The following CNIH3 variants were observed in gnomAD, a reference collection of about 807,000 sequenced individuals.
The protein encoded by CNIH3 is protein cornichon homolog 3.
A neutral mutation model predicts 24.1 loss-of-function variants in CNIH3; 14 were observed. The observed-to-expected ratio is 0.58, with a 90% CI of 0.38 to 0.91. The LOEUF is 0.91. Ranked by LOEUF, CNIH3 falls within the 40% of genes least tolerant of loss-of-function variation. CNIH3 has a pLI of 0.00. For synonymous variants in CNIH3, 68 were observed against 73.8 expected (o/e 0.92, Z 0.40); for missense variants, 178 against 196.8 (o/e 0.90, Z 0.57).
intron 1 of CNIH3, among the ~76,000 whole-genome samples, chr1:224,624,259 G>A (rs1052315684): frequency 1.3e-4 from 20 of 152,326 alleles, no homozygotes; most frequent in African/African-American, 3.1e-4. Context: ...ACTGCTGTCC[G>A]TGTCTTCTTT....
intron 3 of CNIH3, among the ~76,000 whole-genome samples, chr1:224,687,714 C>G (rs1017897203): frequency 7.9e-5 from 12 of 152,172 alleles, no homozygotes; most frequent in African/African-American, 2.9e-4. Context: ...AGCTTTGCAC[C>G]CTTGCACAGT....
chr1:224,696,098 C>T (rs1233973815), intron 3 of CNIH3, among the ~76,000 whole-genome samples: 1 of 152,072 alleles, frequency 6.6e-6, no homozygotes, highest in Non-Finnish European at 1.5e-5. Flanking sequence ...GAGGCCTGTC[C>T]AGGCTGGAAT....
intron 3 of CNIH3, among the ~76,000 whole-genome samples, chr1:224,594,914 C>T (rs767554720): frequency 6.6e-6 from 1 of 152,208 alleles, no homozygotes; most frequent in African/African-American, 2.4e-5. Context: ...CATTGTTTTA[C>T]TGCACTTTGC....
At chr1:224,485,751 C>G (rs990763147) in intron 1 of CNIH3, among the ~76,000 whole-genome samples, 1 of 152,170 alleles carries the variant, frequency 6.6e-6, no homozygotes, top group Admixed American at 6.5e-5. Context: ...CTAGCATGAG[C>G]CAGGATGCCC....
chr1:224,606,448 C>T (rs1198092623), intron 3 of CNIH3, among the ~76,000 whole-genome samples: 2 of 152,098 alleles, frequency 1.3e-5, no homozygotes, highest in Non-Finnish European at 2.9e-5. Flanking sequence ...AGTCGAACTC[C>T]TCTCCAACCA....
chr1:224,467,395 A>AT (rs1676190926), intron 1 of CNIH3, among the ~76,000 whole-genome samples: 1 of 151,996 alleles, frequency 6.6e-6, no homozygotes, highest in Non-Finnish European at 1.5e-5. Context: ...TAAGAGGTCC[A>AT]ATTTATCAAG....
intron 5 of CNIH3, among the ~76,000 whole-genome samples, chr1:224,738,779 G>T (rs1048356083): frequency 6.6e-6 from 1 of 152,064 alleles, no homozygotes; most frequent in African/African-American, 2.4e-5. Context: ...AATTCCTGGA[G>T]TCCATTAAAA....
At chr1:224,613,784 CCCGAAG>C, upstream of CNIH3, among the ~76,000 whole-genome samples, 1 of 152,324 alleles carries the variant, frequency 6.6e-6, no homozygotes, top group Non-Finnish European at 1.5e-5. Flanking sequence ...TGAGGCCTCC[CCCGAAG>C]CCGAGCAAAT....
At chr1:224,443,706 TA>T (rs199750856) in intron 1 of CNIH3, among the ~76,000 whole-genome samples, 1,459 of 118,422 alleles carry the variant, frequency 0.012, 22 homozygotes, top group African/African-American at 0.031. Context: ...TAGATATATA[TA>T]TATATTTTTT....
intron 1 of CNIH3, among the ~76,000 whole-genome samples, chr1:224,618,069 A>G (rs547088551): frequency 6.6e-6 from 1 of 152,286 alleles, no homozygotes; most frequent in East Asian, 1.9e-4. Context: ...CCAGTTCTTT[A>G]GGTGTGGGTG....
At chr1:224,728,149 T>C (rs993984496) in intron 3 of CNIH3, among the ~76,000 whole-genome samples, 1 of 152,196 alleles carries the variant, frequency 6.6e-6, no homozygotes, top group Non-Finnish European at 1.5e-5. Context: ...AGGCCCACGG[T>C]GGCTGTCTCT....
chr1:224,577,549 A>T (rs1222996521), intron 4 of CNIH3, among the ~76,000 whole-genome samples: 2 of 147,748 alleles, frequency 1.4e-5, no homozygotes, highest in African/African-American at 2.5e-5. Context: ...ATTTAAAAAT[A>T]AAAAAAAAAT....
chr1:224,609,405 G>C (rs1475860808), intron 3 of CNIH3, among the ~76,000 whole-genome samples: 1 of 152,088 alleles, frequency 6.6e-6, no homozygotes, highest in African/African-American at 2.4e-5. Context: ...CAGTATTAGG[G>C]GTGGTTGCTT....
In CNIH3 at chr1:224,617,053, T is replaced by G; in HGVS notation, c.-122T>G. The G allele has an allele frequency of 4.8e-6, 7 of 1,471,094 alleles. No individual in the cohort carries two copies. The highest frequency in any genetic ancestry group is 6.3e-6 in the Non-Finnish European group (7 of 1,116,758). The allele number at this position is 1,471,094 out of a possible 1,614,324, so 91.1% of individuals were successfully genotyped here. On this transcript the variant is annotated 5_prime_UTR_variant, in exon 1 of 6. Transcript: ENST00000272133. ...TCGCTTCGCTAGCTGTGCGCCCTCCTGGGCACTAGCCTGGAGAGGAGCGTG... is the reference window on the plus strand; with the variant it reads ...TCGCTTCGCTAGCTGTGCGCCCTCCGGGGCACTAGCCTGGAGAGGAGCGTG...
chr1:224,718,456 G>T (rs12741660), intron 3 of CNIH3, among the ~76,000 whole-genome samples: 2 of 152,076 alleles, frequency 1.3e-5, no homozygotes, highest in Admixed American at 1.3e-4. Context: ...GCCAGATCAT[G>T]TGGGGCCTTA....
chr1:224,677,910 C>G (rs1686215322), intron 1 of CNIH3, among the ~76,000 whole-genome samples: 1 of 152,184 alleles, frequency 6.6e-6, no homozygotes, highest in South Asian at 2.1e-4. Context: ...CAGATACTTG[C>G]TTTCAGTGAC....
chr1:224,664,147 C>T (rs1300132534), intron 1 of CNIH3, among the ~76,000 whole-genome samples: 2 of 152,084 alleles, frequency 1.3e-5, no homozygotes, highest in South Asian at 4.2e-4. Flanking sequence ...CAACCGCATG[C>T]AGGAAAATGG....
At chr1:224,662,910 CA>C (rs951996072) in intron 1 of CNIH3, among the ~76,000 whole-genome samples, 4 of 152,086 alleles carry the variant, frequency 2.6e-5, no homozygotes, top group Admixed American at 6.5e-5. Context: ...AAGCAGTTTC[CA>C]AGGCAGTTTT....
intron 1 of CNIH3, among the ~76,000 whole-genome samples, chr1:224,517,322 A>T (rs1412526574): frequency 6.6e-6 from 1 of 152,000 alleles, no homozygotes; most frequent in Non-Finnish European, 1.5e-5. Context: ...ATAAATCGGG[A>T]TGCTGAAACT....
Sources: allele counts gnomAD v4.1 joint callset (sites outside exome capture counted in the v4.1 genomes callset), GRCh38; gene constraint gnomAD v4.1.1; transcripts MANE v1.5; gene names NCBI Gene and HGNC (gene_info 2026-07-23, HGNC 2026-07-21).